LINC00305: variants seen among roughly 807,000 people sequenced by gnomAD.
LINC00305 encodes the protein long intergenic non-protein coding RNA 305.
At chr18:64,103,382 T>G (rs1442131578) in intron 1 of LINC00305, among the ~76,000 whole-genome samples, 3 of 152,190 alleles carry the variant, frequency 2.0e-5, no homozygotes, top group Admixed American at 2.0e-4. Flanking sequence ...GAGGATAGCA[T>G]TTCTTATTCA....
chr18:64,108,523 A>G (rs1467468862), intron 1 of LINC00305, among the ~76,000 whole-genome samples: 1 of 152,210 alleles, frequency 6.6e-6, no homozygotes, highest in African/African-American at 2.4e-5. Context: ...GTCTATTCCC[A>G]TTCCTTGGTC....
chr18:64,125,619 T>C (rs1476956930), intron 1 of LINC00305, among the ~76,000 whole-genome samples: 1 of 144,540 alleles, frequency 6.9e-6, no homozygotes, highest in Non-Finnish European at 1.6e-5. Flanking sequence ...TCCATCCATA[T>C]ATGTCTTAAA....
chr18:64,084,859 C>A (rs2849307), intron 3 of LINC00305, among the ~76,000 whole-genome samples: 152,115 of 152,360 alleles, frequency 1, 75,939 homozygotes, highest in East Asian at 1. Context: ...GTAGATGTGC[C>A]AGAGAATAAT....
intron 1 of LINC00305, among the ~76,000 whole-genome samples, chr18:64,124,697 C>A (rs1237088542): frequency 1.3e-5 from 2 of 152,020 alleles, no homozygotes; most frequent in Non-Finnish European, 1.5e-5. Context: ...ATGATACTGC[C>A]AAACAATTAC....
exon 3 of LINC00305, chr18:64,097,970 A>G (rs1221848288): frequency 2.2e-6 from 1 of 457,832 alleles, no homozygotes; most frequent in South Asian, 1.5e-5. Flanking sequence ...TTCCCTTTTC[A>G]TCTTTGCAGG....
chr18:64,089,670 G>A (rs2051217478), intron 3 of LINC00305, among the ~76,000 whole-genome samples: 1 of 152,202 alleles, frequency 6.6e-6, no homozygotes, highest in South Asian at 2.1e-4. Flanking sequence ...CCCAAGACTG[G>A]ATGATTTACA....
intron 3 of LINC00305, among the ~76,000 whole-genome samples, chr18:64,095,927 G>A (rs2051243163): frequency 6.6e-6 from 1 of 151,950 alleles, no homozygotes; most frequent in African/African-American, 2.4e-5. Context: ...GAAATGTTAT[G>A]AAAAGAAACA....
At chr18:64,105,388 G>A (rs918197429) in intron 1 of LINC00305, among the ~76,000 whole-genome samples, 1 of 152,124 alleles carries the variant, frequency 6.6e-6, no homozygotes, top group Non-Finnish European at 1.5e-5. Flanking sequence ...TTGAACCTGG[G>A]AGACAGAGGT....
chr18:64,109,149 A>G (rs907851703), intron 1 of LINC00305, among the ~76,000 whole-genome samples: 1 of 152,222 alleles, frequency 6.6e-6, no homozygotes, highest in Admixed American at 6.5e-5. Context: ...GAGGTACTCT[A>G]TTGAGTAATT....
intron 1 of LINC00305, among the ~76,000 whole-genome samples, chr18:64,148,041 C>G (rs1456170970): frequency 2.6e-5 from 4 of 151,904 alleles, no homozygotes; most frequent in African/African-American, 9.7e-5. Flanking sequence ...GACCATGGGG[C>G]CCCTAGGAGA....
intron 1 of LINC00305, among the ~76,000 whole-genome samples, chr18:64,118,735 T>C (rs1020149729): frequency 9.2e-5 from 14 of 152,084 alleles, no homozygotes; most frequent in Admixed American, 2.6e-4. Flanking sequence ...TTTATACTTA[T>C]TATCTATGCA....
chr18:64,120,495 C>T (rs562326291), intron 1 of LINC00305, among the ~76,000 whole-genome samples: 3 of 152,018 alleles, frequency 2.0e-5, no homozygotes, highest in Non-Finnish European at 4.4e-5. Context: ...AGAGAAATTC[C>T]TGCTTAACAT....
At chr18:64,097,016 T>C (rs2051247598) in intron 3 of LINC00305, among the ~76,000 whole-genome samples, 1 of 151,918 alleles carries the variant, frequency 6.6e-6, no homozygotes, top group African/African-American at 2.4e-5. Flanking sequence ...ATATTTAAAA[T>C]GCTAAGAATT....
intron 1 of LINC00305, among the ~76,000 whole-genome samples, chr18:64,143,596 A>ATAT (rs2051477865): frequency 6.5e-5 from 6 of 91,900 alleles, no homozygotes; most frequent in African/African-American, 1.5e-4. Flanking sequence ...ATATGTACAC[A>ATAT]TATGTATATG....
chr18:64,146,794 T>G (rs191688278), intron 1 of LINC00305, among the ~76,000 whole-genome samples: 42 of 152,252 alleles, frequency 2.8e-4, no homozygotes, highest in Admixed American at 1.4e-3. Flanking sequence ...ATGGAAGTGC[T>G]GAGAATTTCT....
chr18:64,100,514 T>G (rs1035620990), intron 1 of LINC00305, among the ~76,000 whole-genome samples: 4 of 152,200 alleles, frequency 2.6e-5, no homozygotes, highest in Non-Finnish European at 4.4e-5. Context: ...CTTCACTGGT[T>G]ATTTGTGGAA....
intron 1 of LINC00305, among the ~76,000 whole-genome samples, chr18:64,112,691 C>T (rs530286356): frequency 1.3e-5 from 2 of 152,204 alleles, no homozygotes; most frequent in African/African-American, 2.4e-5. Context: ...TATTACAAAT[C>T]TTGCCTATCT....
At chr18:64,118,214 T>G (rs2051346288) in intron 1 of LINC00305, among the ~76,000 whole-genome samples, 1 of 152,160 alleles carries the variant, frequency 6.6e-6, no homozygotes, top group African/African-American at 2.4e-5. Flanking sequence ...ATTTTAAAGA[T>G]GAAGAACATG....
At chr18:64,140,500 C>A (rs1367411612) in intron 1 of LINC00305, among the ~76,000 whole-genome samples, 1 of 152,136 alleles carries the variant, frequency 6.6e-6, no homozygotes, top group Admixed American at 6.5e-5. Flanking sequence ...TGAGCCACCG[C>A]ACCCAGCCTG....
Sources: allele counts gnomAD v4.1 joint callset (sites outside exome capture counted in the v4.1 genomes callset), GRCh38; gene constraint gnomAD v4.1.1; transcripts MANE v1.5; gene names NCBI Gene and HGNC (gene_info 2026-07-23, HGNC 2026-07-21).